SH3GL1: variants seen among roughly 807,000 people sequenced by gnomAD.
SH3GL1 encodes SH3 domain containing GRB2 like 1, endophilin A2, also known as endophilin-A2.
A neutral mutation model predicts 48.8 loss-of-function variants in SH3GL1; 21 were observed. The ratio of observed to expected loss-of-function variants is 0.43; its 90% CI spans 0.30 to 0.62. SH3GL1 has a LOEUF of 0.62. Among genes scored for constraint, SH3GL1 ranks in the 20% least tolerant of loss-of-function variants. The probability of loss-of-function intolerance (pLI) is 0.11; values close to 1 mark genes in which losing one functional copy is unlikely to be tolerated. For synonymous variants in SH3GL1, 282 were observed against 217.5 expected, an observed-to-expected ratio of 1.30 and a Z score of -2.61; for missense variants, 454 against 503.0, an observed-to-expected ratio of 0.90 and a Z score of 0.93.
intron 1 of SH3GL1, among the ~76,000 whole-genome samples, chr19:4,397,214 T>C (rs1328027437): frequency 6.6e-6 from 1 of 152,176 alleles, no homozygotes; most frequent in Non-Finnish European, 1.5e-5. Context: ...CCAGGGTGAC[T>C]TCTAAGAGCA....
intron 4 of SH3GL1, 38 bp from the exon 5 acceptor site, chr19:4,364,259 C>G: frequency 6.2e-7 from 1 of 1,613,300 alleles, no homozygotes; most frequent in Non-Finnish European, 8.5e-7. Context: ...CATACCGGGC[C>G]TGGGACCACT....
intron 6 of SH3GL1, 42 bp from the exon 7 acceptor site, chr19:4,363,515 T>G: frequency 6.4e-7 from 1 of 1,569,010 alleles, no homozygotes; most frequent in Non-Finnish European, 8.7e-7. Context: ...CCAGTGCCAC[T>G]GTCCTGTGCC....
intron 1 of SH3GL1, among the ~76,000 whole-genome samples, chr19:4,381,058 C>A (rs915159706): frequency 7.0e-6 from 1 of 143,810 alleles, no homozygotes; most frequent in African/African-American, 2.6e-5. Flanking sequence ...GTTCCCCCAG[C>A]CTCTCTGTCC....
At chr19:4,366,161 C>T (rs535963279) in intron 3 of SH3GL1, among the ~76,000 whole-genome samples, 1 of 152,312 alleles carries the variant, frequency 6.6e-6, no homozygotes, top group South Asian at 2.1e-4. Flanking sequence ...AGGTGAAGTC[C>T]AGGCCAGGGG....
At chr19:4,370,783 G>A (rs1450285853) in intron 1 of SH3GL1, among the ~76,000 whole-genome samples, 1 of 152,266 alleles carries the variant, frequency 6.6e-6, no homozygotes, top group Non-Finnish European at 1.5e-5. Flanking sequence ...GGCCAACCCT[G>A]CCAGGCGAGG....
chr19:4,372,907 C>T (rs1972931393), intron 1 of SH3GL1, among the ~76,000 whole-genome samples: 1 of 152,208 alleles, frequency 6.6e-6, no homozygotes, highest in South Asian at 2.1e-4. Context: ...ACCTGAGGCC[C>T]TTGCGTGCTG....
chr19:4,380,467 C>T (rs1973098597), intron 1 of SH3GL1, among the ~76,000 whole-genome samples: 1 of 151,986 alleles, frequency 6.6e-6, no homozygotes, highest in South Asian at 2.1e-4. Flanking sequence ...TCTGGGAGCA[C>T]GCAGGAGAGA....
In SH3GL1 at chr19:4,361,518, C is replaced by T; in HGVS notation, c.*82G>A. ...GCAGGCTCAGACACCGCCCTGGCAG[C>T]AGGGGCTCCGTGGAATGCAGGAGAC... is the stretch of plus-strand genomic sequence containing the variant. On this transcript the variant is annotated 3_prime_UTR_variant, in exon 10 of 10. Coordinates refer to ENST00000269886, the MANE Select transcript of SH3GL1 (RefSeq NM_003025.4). 2 of 1,124,240 alleles carry T rather than the reference C, an allele frequency of 1.8e-6. No homozygotes were observed. Among genetic ancestry groups the T allele is most frequent in the South Asian group, 1.4e-5 (1 of 69,366 alleles). 69.6% of individuals were successfully genotyped at this position (1,124,240 alleles called of 1,614,324 possible). A position where few individuals can be genotyped will look rare whatever the true frequency, so the allele number is the denominator to read the frequency against.
chr19:4,361,161 T>G lies in SH3GL1; in HGVS notation c.*439A>C. The G allele has an allele frequency of 7.5e-6, 2 of 264,912 alleles. No homozygotes were observed. The highest frequency in any genetic ancestry group is 7.2e-6 in the Non-Finnish European group (1 of 138,174). The allele number at this position is 264,912 out of a possible 1,614,324, so 16.4% of individuals were successfully genotyped here. ...AGGGTCCTATCTCTGAGCCACCCCA[T>G]GGGGACCCTCGATCCCATCCTGTTA... On this transcript the variant is annotated 3_prime_UTR_variant, in exon 10 of 10. Coordinates refer to ENST00000269886, the MANE Select transcript of SH3GL1 (RefSeq NM_003025.4).
Position 4,361,540 on chromosome 19 carries a change from A to G in SH3GL1, c.*60T>C. 1 of 1,325,096 alleles carries G rather than the reference A, an allele frequency of 7.5e-7. No homozygotes were observed. The highest frequency in any genetic ancestry group is 1.0e-6 in the Non-Finnish European group (1 of 955,100). The allele number at this position is 1,325,096 out of a possible 1,614,324, so 82.1% of individuals were successfully genotyped here. On this transcript the variant is annotated 3_prime_UTR_variant, in exon 10 of 10. Coordinates refer to ENST00000269886, the MANE Select transcript of SH3GL1 (RefSeq NM_003025.4). Reference sequence around the variant, plus strand: ...CAGCAGGGGCTCCGTGGAATGCAGGAGACCCAGCAGGGGGTGCCGGCCAGT... The same window carrying G: ...CAGCAGGGGCTCCGTGGAATGCAGGGGACCCAGCAGGGGGTGCCGGCCAGT...
chr19:4,391,213 G>A (rs1422965316), intron 1 of SH3GL1, among the ~76,000 whole-genome samples: 2 of 152,186 alleles, frequency 1.3e-5, no homozygotes. Flanking sequence ...ACCCCTGGGT[G>A]GCCAGGGGTG....
Position 4,400,247 on chromosome 19 carries a change from G to A in SH3GL1, c.45+77C>T. 2 of 1,494,808 alleles carry A rather than the reference G, an allele frequency of 1.3e-6. No homozygotes were observed. Among genetic ancestry groups the A allele is most frequent in the South Asian group, 1.2e-5 (1 of 84,282 alleles). The allele number at this position is 1,494,808 out of a possible 1,614,324, so 92.6% of individuals were successfully genotyped here. On this transcript the variant is annotated intron_variant, in intron 1 of 9. Transcript: ENST00000269886. This position sits in a 1 kb window ranked among gnomAD's most constrained non-coding sequence, Gnocchi z 4.1. ...ACCTCGGTCCCCCCGGCCCCCTCCC[G>A]GGCCAGGTCGGGCCTGGCTCCCTCA...
chr19:4,379,307 T>A (rs1297256897), intron 1 of SH3GL1, among the ~76,000 whole-genome samples: 1 of 151,710 alleles, frequency 6.6e-6, no homozygotes, highest in African/African-American at 2.4e-5. Flanking sequence ...ATGCCTGTAA[T>A]CCCAGCTACT....
At chr19:4,392,863 A>G (rs1973362640) in intron 1 of SH3GL1, among the ~76,000 whole-genome samples, 1 of 152,110 alleles carries the variant, frequency 6.6e-6, no homozygotes, top group Non-Finnish European at 1.5e-5. Context: ...AATCGCTTGA[A>G]CTGGGCAGCA....
intron 1 of SH3GL1, among the ~76,000 whole-genome samples, chr19:4,388,790 C>G (rs1017100309): frequency 5.9e-5 from 9 of 152,218 alleles, no homozygotes; most frequent in African/African-American, 1.9e-4. Flanking sequence ...TCTTAGGGAC[C>G]CTGCTCAGGC....
In SH3GL1 at chr19:4,400,415, G is replaced by C; in HGVS notation, c.-47C>G. 1 of 1,524,238 alleles carries C rather than the reference G, an allele frequency of 6.6e-7. No individual in the cohort carries two copies. The highest frequency in any genetic ancestry group is 1.4e-5 in the African/African-American group (1 of 69,438). 94.4% of individuals were successfully genotyped at this position (1,524,238 alleles called of 1,614,324 possible). On this transcript the variant is annotated 5_prime_UTR_variant, in exon 1 of 10. Coordinates refer to ENST00000269886, the MANE Select transcript of SH3GL1 (RefSeq NM_003025.4). The surrounding 1 kb of genome is among the most constrained non-coding windows in gnomAD (Gnocchi z 4.1). Reference sequence around the variant, plus strand: ...TCCCGCCCGGACCGCGCCAGCGACAGGCTCCCGGGCGCCGCCGACCCTCTG... The same window carrying C: ...TCCCGCCCGGACCGCGCCAGCGACACGCTCCCGGGCGCCGCCGACCCTCTG...
chr19:4,379,953 T>C (rs1420114268), intron 1 of SH3GL1, among the ~76,000 whole-genome samples: 1 of 152,090 alleles, frequency 6.6e-6, no homozygotes, highest in Non-Finnish European at 1.5e-5. Context: ...TTCAAATCTC[T>C]CCCACCCTGC....
intron 2 of SH3GL1, 64 bp from the exon 3 acceptor site, chr19:4,366,637 C>G: frequency 7.0e-7 from 1 of 1,435,980 alleles, no homozygotes. Flanking sequence ...ACAAGACCCC[C>G]GCTGCTGCAC....
intron 2 of SH3GL1, 99 bp from the exon 3 acceptor site, chr19:4,366,672 C>A: frequency 8.7e-7 from 1 of 1,147,606 alleles, no homozygotes; most frequent in South Asian, 1.3e-5. Context: ...AGAGCCCATA[C>A]CAGGACCCCC....
Sources: gnomAD v4.1 joint callset for allele counts (sites outside exome capture counted in the v4.1 genomes callset) on GRCh38, gnomAD v4.1.1 for gene constraint, Gnocchi (gnomAD v3.1) non-coding constraint, MANE v1.5 for transcripts, NCBI Gene and HGNC (gene_info 2026-07-23, HGNC 2026-07-21) for gene names.